The following ABCB9 variants were observed in gnomAD, a reference collection of about 807,000 sequenced individuals.
ABCB9 encodes ABC-type oligopeptide transporter ABCB9.
Under a neutral mutation model 62.0 loss-of-function variants are expected in ABCB9, and 36 were observed. The ratio of observed to expected loss-of-function variants is 0.58; its 90% CI spans 0.45 to 0.77. The LOEUF is 0.77. Among genes scored for constraint, ABCB9 ranks in the 30% least tolerant of loss-of-function variants. The probability of loss-of-function intolerance (pLI) is 0.00; values close to 1 mark genes in which losing one functional copy is unlikely to be tolerated. For synonymous variants in ABCB9, 435 were observed against 461.4 expected, an observed-to-expected ratio of 0.94 and a Z score of 0.73; for missense variants, 943 against 1,054.7, an observed-to-expected ratio of 0.89 and a Z score of 1.47.
At chr12:122,954,557 A>G (rs1047671307) in intron 2 of ABCB9, among the ~76,000 whole-genome samples, 2 of 151,890 alleles carry the variant, frequency 1.3e-5, no homozygotes, top group Non-Finnish European at 2.9e-5. Context: ...CAGTGGCACG[A>G]TATCAGCTCA....
At chr12:122,952,219 T>C (rs1315222284) in intron 2 of ABCB9, 10 of 152,262 alleles carry the variant, frequency 6.6e-5, no homozygotes, top group Non-Finnish European at 2.9e-5. Context: ...GGTATTTTGT[T>C]ACAGCAGCAG....
At chr12:122,971,502 T>C (rs2037270734), upstream of ABCB9, among the ~76,000 whole-genome samples, 1 of 152,128 alleles carries the variant, frequency 6.6e-6, no homozygotes, top group African/African-American at 2.4e-5. Flanking sequence ...TCACCCAGGC[T>C]GGGGTTCAGC....
At chr12:122,948,880 T>C in intron 4 of ABCB9, 51 bp from the exon 5 acceptor site, 2 of 1,154,516 alleles carry the variant, frequency 1.7e-6, no homozygotes, top group South Asian at 2.6e-5. Flanking sequence ...GCCTTGGGGG[T>C]GGCGGTGGGG....
intron 9 of ABCB9, among the ~76,000 whole-genome samples, chr12:122,936,850 G>T (rs1157513657): frequency 1.3e-5 from 2 of 151,336 alleles, no homozygotes; most frequent in Non-Finnish European, 2.9e-5. Context: ...GATGTGGTGA[G>T]CTGAGATCGT....
At chr12:122,955,701 G>GT (rs1488800976) in intron 2 of ABCB9, among the ~76,000 whole-genome samples, 49 of 151,280 alleles carry the variant, frequency 3.2e-4, no homozygotes, top group African/African-American at 1.1e-3. Context: ...AGTTTTTTGG[G>GT]TTTTTGTTTT....
intron 2 of ABCB9, among the ~76,000 whole-genome samples, chr12:122,955,111 G>C (rs545645322): frequency 6.6e-6 from 1 of 152,268 alleles, no homozygotes; most frequent in African/African-American, 2.4e-5. Flanking sequence ...CACTGATTAA[G>C]TATTTACTTG....
chr12:122,945,991 C>T, intron 6 of ABCB9, 34 bp downstream of exon 6: 1 of 1,607,846 alleles, frequency 6.2e-7, no homozygotes, highest in Non-Finnish European at 8.5e-7. Context: ...TCCCATCCCT[C>T]CACAGCCAGA....
chr12:122,966,484 G>GA (rs2037183304), upstream of ABCB9: 1 of 152,082 alleles, frequency 6.6e-6, no homozygotes. Flanking sequence ...GAGACAGGCT[G>GA]ATGGACGGGG....
chr12:122,958,241 G>A (rs1214564931), intron 2 of ABCB9, among the ~76,000 whole-genome samples: 1 of 151,832 alleles, frequency 6.6e-6, no homozygotes, highest in Non-Finnish European at 1.5e-5. Flanking sequence ...CAAATGATGG[G>A]AGACCAACTA....
At chr12:122,966,155 G>C (rs2037161979) in intron 1 of ABCB9, 132 bp downstream of exon 1, 1 of 152,364 alleles carries the variant, frequency 6.6e-6, no homozygotes, top group Admixed American at 6.5e-5. Flanking sequence ...CTCCAGGGAG[G>C]CTCCCACCTT....
At position 122,960,182 on chromosome 12, in the gene ABCB9, G is replaced by A. The variant is rs1566194841; in HGVS notation, c.54C>T (p.Ile18=). Reference sequence around the variant, plus strand: ...AGACATAGATGGCCGTGGTCACGCAGATGTCCACACTCATGAAGGCCAAAG... The same window carrying A: ...AGACATAGATGGCCGTGGTCACGCAAATGTCCACACTCATGAAGGCCAAAG... The part of the protein sequence containing the change: ...VVTLAFMSVD[I]CVTTAIYVFS... Residue 18 remains isoleucine (I), a synonymous_variant, in exon 2 of 12, where the codon ATC becomes ATT. Transcript: ENST00000280560. 2.5e-6 allele frequency: 4 copies of A among 1,613,622 alleles called. No homozygotes were observed. The highest frequency in any genetic ancestry group is 3.4e-6 in the Non-Finnish European group (4 of 1,180,034).
chr12:122,924,531 A>C, downstream of ABCB9: 1 of 1,159,976 alleles, frequency 8.6e-7, no homozygotes, highest in Non-Finnish European at 1.1e-6. Context: ...TGCTCAGCTC[A>C]AACATTTCTT....
In ABCB9 at chr12:122,959,852, G is replaced by T. The variant is rs767919531; in HGVS notation, c.384C>A (p.Gly128=). Residue 128 remains glycine (G), a synonymous_variant, in exon 2 of 12, where the codon GGC becomes GGA. Coordinates refer to ENST00000280560, the MANE Select transcript of ABCB9 (RefSeq NM_019625.4). This position sits in a 1 kb window ranked among gnomAD's most constrained non-coding sequence, Gnocchi z 5.4. The stretch of plus-strand genomic sequence containing the variant: ...GCAGCCACCAGAGCAGGAAGGATGC[G>T]CCGAGTGAAATGTACGTCCACACGA... ...ALFVWTYISL[G]ASFLLWWLLS... The T allele has an allele frequency of 3.1e-6, 5 of 1,613,246 alleles. 1 individual carries two copies. The South Asian group carries it at 4.4e-5, about 14-fold the overall frequency.
chr12:122,946,377 C>G (rs2135838935), intron 5 of ABCB9, 155 bp from the exon 6 acceptor site: 1 of 710,964 alleles, frequency 1.4e-6, no homozygotes, highest in African/African-American at 1.8e-5. Context: ...GCCCTTTCTC[C>G]CCCATCCCCT....
rs1330317225 is a variant in ABCB9, at chr12:122,932,181, C to T, written c.2040+11G>A. ...TCCTGCCCCCGCATTGCCCACCACCCTGTGACTCACCAGATACTCGCTCTC... is the reference window on the plus strand; with the variant it reads ...TCCTGCCCCCGCATTGCCCACCACCTTGTGACTCACCAGATACTCGCTCTC... On this transcript the variant is annotated intron_variant, in intron 11 of 11. Coordinates refer to ENST00000280560, the MANE Select transcript of ABCB9 (RefSeq NM_019625.4). This position sits in a 1 kb window ranked among gnomAD's most constrained non-coding sequence, Gnocchi z 4.7. The T allele has an allele frequency of 1.9e-6, 3 of 1,552,058 alleles. No homozygotes were observed. The highest frequency in any genetic ancestry group is 2.0e-5 in the Admixed American group (1 of 51,130).
chr12:122,940,422 A>T lies in ABCB9; in HGVS notation c.1570-138T>A. On this transcript the variant is annotated intron_variant, in intron 8 of 11. Coordinates refer to ENST00000280560, the MANE Select transcript of ABCB9 (RefSeq NM_019625.4). This position sits in a 1 kb window ranked among gnomAD's most constrained non-coding sequence, Gnocchi z 4.8. ...CCTCGCTTGGGCACTGCTGGCCCCT[A>T]AACGTTCTTTCTAAGACACTAGGAC... 1 of 1,012,490 alleles carries T rather than the reference A, an allele frequency of 9.9e-7. No individual in the cohort carries two copies. Among genetic ancestry groups the T allele is most frequent in the Non-Finnish European group, 1.4e-6 (1 of 708,746 alleles). 62.7% of individuals were successfully genotyped at this position (1,012,490 alleles called of 1,614,324 possible).
At position 122,932,013 on chromosome 12, in the gene ABCB9, G is replaced by T; in HGVS notation, c.2040+179C>A. 1 of 1,112,098 alleles carries T rather than the reference G, an allele frequency of 9.0e-7. No homozygotes were observed. Among genetic ancestry groups the T allele is most frequent in the Non-Finnish European group, 1.3e-6 (1 of 778,396 alleles). 68.9% of individuals were successfully genotyped at this position (1,112,098 alleles called of 1,614,324 possible). ...GCTCTGCCTGGAGCCTGGAGGCTGG[G>T]TCCAGAGTGGCTCCTGGCTCCCCAC... On this transcript the variant is annotated intron_variant, in intron 11 of 11. Transcript: ENST00000280560. This position sits in a 1 kb window ranked among gnomAD's most constrained non-coding sequence, Gnocchi z 4.7.
chr12:122,924,214 A>G (rs2034827978), downstream of ABCB9, among the ~76,000 whole-genome samples: 1 of 152,206 alleles, frequency 6.6e-6, no homozygotes, highest in South Asian at 2.1e-4. Flanking sequence ...CCTGGGTTCC[A>G]GCCTTGGCCA....
downstream of ABCB9, among the ~76,000 whole-genome samples, chr12:122,919,881 G>GTTTATTTATTT (rs942930448): frequency 0.012 from 1,675 of 138,882 alleles, 19 homozygotes; most frequent in South Asian, 0.039. Flanking sequence ...CTGTTTGTTT[G>GTTTATTTATTT]TTTATTTATT....
Sources: gnomAD v4.1 joint callset for allele counts (sites outside exome capture counted in the v4.1 genomes callset) on GRCh38, gnomAD v4.1.1 for gene constraint, Gnocchi (gnomAD v3.1) non-coding constraint, MANE v1.5 for transcripts, NCBI Gene and HGNC (gene_info 2026-07-23, HGNC 2026-07-21) for gene names.